The following RASSF6 variants were observed in gnomAD, a reference collection of about 807,000 sequenced individuals.
RASSF6 encodes the protein Ras association domain family member 6.
RASSF6 carries 52 observed loss-of-function variants against 44.0 expected under a neutral mutation model. The ratio of observed to expected loss-of-function variants is 1.18; its 90% CI spans 0.95 to 1.49. The LOEUF (loss-of-function observed/expected upper bound fraction) is 1.49. Ranked by LOEUF, RASSF6 falls within the 40% of genes most tolerant of loss-of-function variation. The pLI, the probability that RASSF6 is intolerant of heterozygous loss-of-function variation, is 0.00. For missense variants in RASSF6, 464 were observed against 393.3 expected, an observed-to-expected ratio of 1.18 and a Z score of -1.52; for synonymous variants, 162 against 124.6, an observed-to-expected ratio of 1.30 and a Z score of -2.00.
At position 73,582,300 on chromosome 4, in the gene RASSF6, G is replaced by C. The variant is rs750572992; in HGVS notation, c.568-10C>G. The C allele has an allele frequency of 1.4e-6, 2 of 1,419,214 alleles. No individual in the cohort carries two copies. The highest frequency in any genetic ancestry group is 2.0e-6 in the Non-Finnish European group (2 of 1,015,374). The allele number at this position is 1,419,214 out of a possible 1,614,324, so 87.9% of individuals were successfully genotyped here. On this transcript the variant is annotated splice_polypyrimidine_tract_variant and intron_variant, in intron 6 of 10. Coordinates refer to ENST00000307439, the MANE Select transcript of RASSF6 (RefSeq NM_177532.5). ...GAATGAAAATTGATGTCTAGAAAAA[G>C]AATTGTCACATAAGTCTTTAAAATT...
intron 1 of RASSF6, among the ~76,000 whole-genome samples, chr4:73,614,420 T>C (rs1726215699): frequency 6.6e-6 from 1 of 152,120 alleles, no homozygotes; most frequent in Non-Finnish European, 1.5e-5. Flanking sequence ...AGTGCCCTTA[T>C]AAAAGAGACC....
Position 73,611,809 on chromosome 4 carries a change from T to A in RASSF6, c.-14A>T, listed in dbSNP as rs1375044133. On this transcript the variant is annotated 5_prime_UTR_variant, in exon 2 of 11. Transcript: ENST00000307439. ...CATCATAGTCATCTTTTCCTCCTTTTTGAGATGGTCTGAGGATATCCTAAA... is the reference window on the plus strand; with the variant it reads ...CATCATAGTCATCTTTTCCTCCTTTATGAGATGGTCTGAGGATATCCTAAA... 1.4e-5 allele frequency: 22 copies of A among 1,608,162 alleles called. No individual in the cohort carries two copies. The highest frequency in any genetic ancestry group is 1.8e-5 in the Non-Finnish European group (21 of 1,175,262).
At position 73,576,617 on chromosome 4, in the gene RASSF6, CT is replaced by C; in HGVS notation, c.835del (p.Ser279ValfsTer21). On this transcript the variant is annotated frameshift_variant, in exon 9 of 11. Coordinates refer to ENST00000307439, the MANE Select transcript of RASSF6 (RefSeq NM_177532.5). LOFTEE classifies it high-confidence loss of function. ...LMDKDAEEIS[S>X]DVAQYINFHF... Reference sequence around the variant, plus strand: ...TCAGGGTGATGGTATTCATACATCACTGCTAATTTCTTCTGCATCTTTATCC... The same window carrying C: ...TCAGGGTGATGGTATTCATACATCACGCTAATTTCTTCTGCATCTTTATCC... 1 of 1,609,678 alleles carries C rather than the reference CT, an allele frequency of 6.2e-7. No individual in the cohort carries two copies. Among genetic ancestry groups the C allele is most frequent in the Non-Finnish European group, 8.5e-7 (1 of 1,176,210 alleles).
At chr4:73,585,105 T>C (rs1269514742) in intron 6 of RASSF6, 75 bp downstream of exon 6, 5 of 1,009,996 alleles carry the variant, frequency 5.0e-6, no homozygotes, top group Non-Finnish European at 5.7e-6. Context: ...AAATTGTGAA[T>C]TGAATTGGGT....
chr4:73,612,491 TTTTTAAA>T (rs1013575627), intron 1 of RASSF6, among the ~76,000 whole-genome samples: 18 of 19,526 alleles, frequency 9.2e-4, no homozygotes, highest in Admixed American at 4.5e-3. Flanking sequence ...TTTTTTTTTT[TTTTTAAA>T]AAAAAAAACG....
In RASSF6 at chr4:73,575,604, G is replaced by C. The variant is rs1368287196; in HGVS notation, c.*631C>G. Reference sequence around the variant, plus strand: ...GATGAAAGGTCTTTCATCAGCAGAAGAGAGAGAATAAAAGGGCTGGGGGGA... The same window carrying C: ...GATGAAAGGTCTTTCATCAGCAGAACAGAGAGAATAAAAGGGCTGGGGGGA... On this transcript the variant is annotated 3_prime_UTR_variant, in exon 11 of 11. Transcript: ENST00000307439. The C allele has an allele frequency of 1.3e-5, 2 of 152,086 alleles. No homozygotes were observed. The highest frequency in any genetic ancestry group is 2.9e-5 in the Non-Finnish European group (2 of 68,006). The allele number at this position is 152,086 out of a possible 1,614,324, so 9.4% of individuals were successfully genotyped here.
intron 3 of RASSF6, 48 bp downstream of exon 3, chr4:73,598,586 GCACGCA>G: frequency 2.4e-6 from 2 of 830,016 alleles, no homozygotes; most frequent in Non-Finnish European, 3.9e-6. Flanking sequence ...GTGTGTGTGT[GCACGCA>G]TGTGTGTGTG....
rs115705156 is a variant in RASSF6 at position 73,612,377 on chromosome 4, C to A, written c.-34-548G>T. 2.9e-3 allele frequency among the ~76,000 whole-genome samples: 446 copies of A among 151,984 alleles called. 2 individuals carry two copies. Among genetic ancestry groups the A allele is most frequent in the African/African-American group, 0.011 (436 of 41,466 alleles). On this transcript the variant is annotated intron_variant, in intron 1 of 10. Transcript: ENST00000307439. ...TAAAGTATAATATTTTCTGTTCATT[C>A]CATTTTGCAAAAATTGAATATTCAG...
At chr4:73,612,356 G>T (rs1398512479) in intron 1 of RASSF6, among the ~76,000 whole-genome samples, 1 of 152,048 alleles carries the variant, frequency 6.6e-6, no homozygotes, top group Non-Finnish European at 1.5e-5. Flanking sequence ...GAGATGTAAA[G>T]TATAATATTT....
chr4:73,618,977 T>G (rs1726537383), intron 1 of RASSF6, among the ~76,000 whole-genome samples: 1 of 152,174 alleles, frequency 6.6e-6, no homozygotes, highest in African/African-American at 2.4e-5. Context: ...TAATTTAAGC[T>G]TAAGAGGTAG....
chr4:73,587,755 G>C, intron 5 of RASSF6, 85 bp downstream of exon 5: 1 of 761,828 alleles, frequency 1.3e-6, no homozygotes, highest in South Asian at 1.7e-5. Flanking sequence ...GTATGAAAAA[G>C]GTTAGATTTC....
intron 2 of RASSF6, among the ~76,000 whole-genome samples, chr4:73,606,261 G>T (rs2149392280): frequency 6.6e-6 from 1 of 152,326 alleles, no homozygotes; most frequent in Admixed American, 6.5e-5. Context: ...CATGTCCTTT[G>T]CAGCAATATG....
chr4:73,581,422 G>A (rs1723639618), intron 8 of RASSF6, among the ~76,000 whole-genome samples: 1 of 152,112 alleles, frequency 6.6e-6, no homozygotes, highest in African/African-American at 2.4e-5. Context: ...CTAAAAAAGA[G>A]GCAATATCAA....
chr4:73,600,638 G>T (rs1725223614), intron 2 of RASSF6, among the ~76,000 whole-genome samples: 1 of 152,106 alleles, frequency 6.6e-6, no homozygotes, highest in South Asian at 2.1e-4. Context: ...TTGAAATCAG[G>T]TAAGCATGTA....
chr4:73,576,664 C>T lies in RASSF6; in HGVS notation c.789G>A (p.Lys263=). The T allele has an allele frequency of 6.2e-7, 1 of 1,613,798 alleles. No individual in the cohort carries two copies. Residue 263 remains lysine (K), a synonymous_variant, in exon 9 of 11, where the codon AAG becomes AAA. Transcript: ENST00000307439. ...TATCCATGAGGAAAATGCGAGCATT[C>T]TTTTCAGAAGGTCCCTGTAGGAGCC... ...LQRLLQGPSE[K]NARIFLMDKD...
intron 3 of RASSF6, 54 bp downstream of exon 3, chr4:73,598,586 G>GTT: frequency 1.2e-6 from 1 of 830,024 alleles, no homozygotes; most frequent in Non-Finnish European, 2.0e-6. Flanking sequence ...GTGTGTGTGT[G>GTT]CACGCATGTG....
Position 73,581,842 on chromosome 4 carries a change from A to C in RASSF6, c.696T>G (p.Ala232=), listed in dbSNP as rs1465587042. ...FKIENSPQDF[A]LHIIFATGEQ... Reference sequence around the variant, plus strand: ...CTCCTGTTGCAAAAATAATGTGAAGAGCAAAATCCTGGGGACTATTTTCAA... The same window carrying C: ...CTCCTGTTGCAAAAATAATGTGAAGCGCAAAATCCTGGGGACTATTTTCAA... The change falls in exon 8 of 11, where the codon GCT becomes GCG. Residue 232 remains alanine, a synonymous_variant. Transcript: ENST00000307439. The C allele has an allele frequency of 5.0e-6, 8 of 1,610,476 alleles. No homozygotes were observed. The highest frequency in any genetic ancestry group is 5.9e-6 in the Non-Finnish European group (7 of 1,177,162).
chr4:73,576,636 C>A lies in RASSF6; in HGVS notation c.817G>T (p.Asp273Tyr), dbSNP rs1163820601. The A allele has an allele frequency of 1.2e-6, 2 of 1,613,332 alleles. No individual in the cohort carries two copies. Among genetic ancestry groups the A allele is most frequent in the Middle Eastern group, 1.7e-4 (1 of 6,058 alleles). The change falls in exon 9 of 11, where the codon GAT (aspartate) becomes TAT (tyrosine). Residue 273 changes from aspartate (D) to tyrosine (Y), a missense_variant. By Grantham distance (160) the Asp-to-Tyr change is radical. Transcript: ENST00000307439. The stretch of plus-strand genomic sequence containing the variant: ...ACATCACTGCTAATTTCTTCTGCAT[C>A]TTTATCCATGAGGAAAATGCGAGCA... The part of the protein sequence containing the change: ...KNARIFLMDK[D>Y]AEEISSDVAQ...
chr4:73,584,741 T>A (rs1337033168), intron 6 of RASSF6, among the ~76,000 whole-genome samples: 2 of 152,126 alleles, frequency 1.3e-5, no homozygotes, highest in Non-Finnish European at 2.9e-5. Context: ...CTGAGCTCCG[T>A]GCTGGCTGAG....
Sources: gnomAD v4.1 joint callset for allele counts (sites outside exome capture counted in the v4.1 genomes callset) on GRCh38, gnomAD v4.1.1 for gene constraint, MANE v1.5 for transcripts, NCBI Gene and HGNC (gene_info 2026-07-23, HGNC 2026-07-21) for gene names.